RBFOX1: variants seen among roughly 807,000 people sequenced by gnomAD.
RBFOX1 encodes the protein RNA binding fox-1 homolog 1, also known as RNA binding protein fox-1 homolog 1.
A neutral mutation model predicts 57.7 loss-of-function variants in RBFOX1; 8 were observed. The ratio of observed to expected loss-of-function variants is 0.14; its 90% CI spans 0.08 to 0.25. RBFOX1 has a LOEUF of 0.25. Among genes scored for constraint, RBFOX1 ranks in the 10% least tolerant of loss-of-function variants. The pLI is 1.00. For missense variants in RBFOX1, 611 were observed against 548.5 expected, an observed-to-expected ratio of 1.11 and a Z score of -1.14; for synonymous variants, 326 against 222.4, an observed-to-expected ratio of 1.47 and a Z score of -4.15.
At chr16:5,998,685 G>C (rs543857257) in intron 4 of RBFOX1, among the ~76,000 whole-genome samples, 2 of 152,142 alleles carry the variant, frequency 1.3e-5, no homozygotes, top group Non-Finnish European at 2.9e-5. Context: ...CCATCCGAAT[G>C]TCCTTTCTGC....
In RBFOX1 at chr16:6,265,868, C is replaced by G. The variant is rs575440049; in HGVS notation, c.-126-51127C>G. ...TTCTTGCTCCCTCTCCTCCTCACTTCTTGTACATTTGAAAACCCTGTCTTC... is the reference window on the plus strand; with the variant it reads ...TTCTTGCTCCCTCTCCTCCTCACTTGTTGTACATTTGAAAACCCTGTCTTC... On this transcript the variant is annotated intron_variant, in intron 1 of 15. Transcript: ENST00000550418. 6.2e-4 allele frequency among the ~76,000 whole-genome samples: 94 copies of G among 152,286 alleles called. 1 individual carries two copies. Among genetic ancestry groups the G allele is most frequent in the Middle Eastern group, 3.4e-3 (1 of 294 alleles).
intron 2 of RBFOX1, among the ~76,000 whole-genome samples, chr16:6,395,745 A>G (rs565619748): frequency 2.0e-5 from 3 of 152,260 alleles, no homozygotes; most frequent in South Asian, 2.1e-4. Context: ...TTTATTGTGT[A>G]CCAAATATAT....
chr16:6,728,350 A>G (rs2067724608), intron 3 of RBFOX1, among the ~76,000 whole-genome samples: 1 of 119,464 alleles, frequency 8.4e-6, no homozygotes, highest in African/African-American at 2.8e-5. Flanking sequence ...TCTCCTGTAT[A>G]AACAGTTAAA....
intron 4 of RBFOX1, among the ~76,000 whole-genome samples, chr16:5,870,621 C>T (rs935112547): frequency 1.4e-5 from 2 of 148,064 alleles, no homozygotes; most frequent in Non-Finnish European, 3.0e-5. Context: ...TTTTTTTAGT[C>T]TTTTTTTTTT....
intron 5 of RBFOX1, among the ~76,000 whole-genome samples, chr16:7,540,738 A>G (rs1016065871): frequency 2.0e-5 from 3 of 152,204 alleles, no homozygotes; most frequent in Non-Finnish European, 2.9e-5. Flanking sequence ...TTAAACACCT[A>G]TGAGATTCTT....
Position 7,234,907 on chromosome 16 carries a change from C to G in RBFOX1, c.27+182809C>G, listed in dbSNP as rs554370649. ...ATAAGAATTATTCACAGACATCTCCCAATTCCATTTTCAGAGACTTACTGT... is the reference window on the plus strand; with the variant it reads ...ATAAGAATTATTCACAGACATCTCCGAATTCCATTTTCAGAGACTTACTGT... On this transcript the variant is annotated intron_variant, in intron 4 of 15. Coordinates refer to ENST00000550418, the MANE Select transcript of RBFOX1 (RefSeq NM_018723.4). Among the ~76,000 whole-genome samples, 5 of 152,158 alleles carry G rather than the reference C, an allele frequency of 3.3e-5. No individual in the cohort carries two copies. In the East Asian group the frequency reaches 7.7e-4, roughly 24 times the overall value.
chr16:6,829,010 A>G (rs1021340752), intron 3 of RBFOX1, among the ~76,000 whole-genome samples: 3 of 151,912 alleles, frequency 2.0e-5, no homozygotes, highest in African/African-American at 7.3e-5. Flanking sequence ...CTGTTGCCTG[A>G]CTCATCCTTG....
At chr16:5,597,027 G>A (rs532630215) in intron 2 of RBFOX1, among the ~76,000 whole-genome samples, 4 of 152,282 alleles carry the variant, frequency 2.6e-5, no homozygotes, top group Admixed American at 2.6e-4. Context: ...TGCAAAAAGA[G>A]AAACAATAAA....
chr16:6,908,052 C>G (rs1253455848), intron 3 of RBFOX1, among the ~76,000 whole-genome samples: 1 of 151,794 alleles, frequency 6.6e-6, no homozygotes, highest in African/African-American at 2.4e-5. Flanking sequence ...ATCATCTTTA[C>G]TTGATCTTCT....
chr16:6,654,153 GATGA>G (rs1166684143), intron 2 of RBFOX1, among the ~76,000 whole-genome samples: 1 of 151,650 alleles, frequency 6.6e-6, no homozygotes, highest in Non-Finnish European at 1.5e-5. Flanking sequence ...ATGGAGAGGA[GATGA>G]ATGGATGGAT....
At chr16:7,620,356 G>C (rs1381080014) in intron 10 of RBFOX1, among the ~76,000 whole-genome samples, 1 of 152,192 alleles carries the variant, frequency 6.6e-6, no homozygotes, top group East Asian at 1.9e-4. Context: ...TCAACTTCCA[G>C]TCAGCAAGAT....
intron 3 of RBFOX1, among the ~76,000 whole-genome samples, chr16:7,044,995 C>T (rs918388154): frequency 6.6e-5 from 10 of 152,166 alleles, no homozygotes; most frequent in Non-Finnish European, 1.0e-4. Context: ...AGCAAGGTTG[C>T]AGCCGAAACA....
intron 1 of RBFOX1, chr16:5,270,742 G>C: frequency 2.1e-6 from 1 of 476,422 alleles, no homozygotes; most frequent in South Asian, 1.8e-5. Context: ...ATTGATACCA[G>C]ATAACATCGG....
chr16:6,970,974 G>T (rs1253859909), intron 3 of RBFOX1, among the ~76,000 whole-genome samples: 1 of 152,084 alleles, frequency 6.6e-6, no homozygotes, highest in Non-Finnish European at 1.5e-5. Context: ...ATTTCCTCCT[G>T]CCCTTATTTG....
intron 1 of RBFOX1, among the ~76,000 whole-genome samples, chr16:5,346,454 A>C (rs970404883): frequency 6.6e-5 from 10 of 152,214 alleles, no homozygotes; most frequent in Non-Finnish European, 1.2e-4. Flanking sequence ...CAAGGGATGC[A>C]TGGGATTTCA....
intron 3 of RBFOX1, among the ~76,000 whole-genome samples, chr16:6,705,751 C>T (rs534282720): frequency 1.1e-4 from 17 of 152,240 alleles, no homozygotes; most frequent in African/African-American, 4.1e-4. Flanking sequence ...GGCATGGTGG[C>T]TTAAGCCTGT....
chr16:7,268,061 T>C (rs1567965573), intron 4 of RBFOX1, among the ~76,000 whole-genome samples: 1 of 152,330 alleles, frequency 6.6e-6, no homozygotes, highest in South Asian at 2.1e-4. Context: ...TCTAGCTTAT[T>C]GCATCTAGGC....
chr16:6,392,859 C>T (rs747113081), intron 2 of RBFOX1, among the ~76,000 whole-genome samples: 2 of 152,140 alleles, frequency 1.3e-5, no homozygotes, highest in Admixed American at 6.5e-5. Flanking sequence ...TGAAGTTCCA[C>T]GTCATGGGCC....
intron 3 of RBFOX1, chr16:5,838,022 GT>G (rs1404002179): frequency 1.3e-5 from 2 of 152,300 alleles, no homozygotes; most frequent in Non-Finnish European, 2.9e-5. Context: ...TACTTTTAAT[GT>G]GACATTGCTG....
Sources: allele counts gnomAD v4.1 joint callset (sites outside exome capture counted in the v4.1 genomes callset), GRCh38; gene constraint gnomAD v4.1.1; transcripts MANE v1.5; gene names NCBI Gene and HGNC (gene_info 2026-07-23, HGNC 2026-07-21).